Variants in USP53 observed in about 807,000 individuals in gnomAD.
USP53 encodes ubiquitin carboxyl-terminal hydrolase 53.
In USP53, 71 loss-of-function variants were observed where a neutral mutation model predicts 94.9. That is an observed-to-expected ratio of 0.75 (90% CI 0.62 to 0.91). USP53 has a LOEUF of 0.91. Among genes scored for constraint, USP53 ranks in the 40% least tolerant of loss-of-function variants. The pLI is 0.00. For missense variants in USP53, 1,173 were observed against 1,281.0 expected, an observed-to-expected ratio of 0.92 and a Z score of 1.29; for synonymous variants, 375 against 422.7, an observed-to-expected ratio of 0.89 and a Z score of 1.39.
At chr4:119,286,368 T>C (rs1754116660) in intron 17 of USP53, among the ~76,000 whole-genome samples, 1 of 151,432 alleles carries the variant, frequency 6.6e-6, no homozygotes, top group Non-Finnish European at 1.5e-5. Context: ...GATACTGAGT[T>C]TTTTTTTTCT....
At chr4:119,261,661 C>G in intron 11 of USP53, 54 bp from the exon 12 acceptor site, 1 of 1,389,446 alleles carries the variant, frequency 7.2e-7, no homozygotes, top group East Asian at 2.4e-5. Flanking sequence ...CTAATTATTC[C>G]TCATTTTACA....
At chr4:119,223,553 G>C (rs1194754838) in intron 3 of USP53, among the ~76,000 whole-genome samples, 1 of 152,146 alleles carries the variant, frequency 6.6e-6, no homozygotes, top group Non-Finnish European at 1.5e-5. Flanking sequence ...AAAAGGAGAA[G>C]GTGACTTGAT....
intron 3 of USP53, among the ~76,000 whole-genome samples, chr4:119,222,785 T>C (rs1744724107): frequency 6.6e-6 from 1 of 152,196 alleles, no homozygotes; most frequent in African/African-American, 2.4e-5. Context: ...GACATCTCTT[T>C]GATTTTCTTT....
chr4:119,278,006 G>T (rs1302633938), intron 17 of USP53, among the ~76,000 whole-genome samples: 1 of 143,004 alleles, frequency 7.0e-6, no homozygotes, highest in Non-Finnish European at 1.5e-5. Context: ...CTGCACGTGA[G>T]ATGGGTTTCC....
chr4:119,213,660 A>ATATATG, intron 1 of USP53, among the ~76,000 whole-genome samples: 6,212 of 117,722 alleles, frequency 0.053, 245 homozygotes, highest in Middle Eastern at 0.092. Flanking sequence ...ATATATATAT[A>ATATATG]TGTGTGTGTG....
At chr4:119,227,970 G>A (rs1253844553) in intron 3 of USP53, among the ~76,000 whole-genome samples, 1 of 152,206 alleles carries the variant, frequency 6.6e-6, no homozygotes, top group African/African-American at 2.4e-5. Context: ...AGAAATTCTA[G>A]AGAAGTTGAA....
At chr4:119,233,608 CT>C (rs1351607252) in intron 3 of USP53, among the ~76,000 whole-genome samples, 2 of 152,026 alleles carry the variant, frequency 1.3e-5, no homozygotes, top group African/African-American at 4.8e-5. Flanking sequence ...TATTCTTGCC[CT>C]ATATTCAATT....
rs1007709464 is a variant in USP53 at position 119,271,522 on chromosome 4, T to G, written c.1662T>G (p.Asn554Lys). ...EKITGKVKSD[N>K]GTGYDTDSSQ... ...TAACTGGCAAAGTTAAGAGTGACAATGGCACTGGATATGACACAGACAGCA... is the reference window on the plus strand; with the variant it reads ...TAACTGGCAAAGTTAAGAGTGACAAGGGCACTGGATATGACACAGACAGCA... Residue 554 changes from asparagine (N) to lysine (K), a missense_variant, in exon 16 of 19, where the codon AAT (asparagine) becomes AAG (lysine). Asn to Lys is a moderately conservative substitution (Grantham distance 94). Coordinates refer to ENST00000692078, the MANE Select transcript of USP53 (RefSeq NM_001371395.1). 8.7e-6 allele frequency: 14 copies of G among 1,613,480 alleles called. No individual in the cohort carries two copies. The highest frequency in any genetic ancestry group is 1.2e-5 in the Non-Finnish European group (14 of 1,179,946).
chr4:119,292,967 G>T lies in USP53; in HGVS notation c.2978G>T (p.Gly993Val). 1 of 1,614,100 alleles carries T rather than the reference G, an allele frequency of 6.2e-7. No homozygotes were observed. Among genetic ancestry groups the T allele is most frequent in the African/African-American group, 1.3e-5 (1 of 75,038 alleles). The change falls in exon 19 of 19, where the codon GGC becomes GTC. Residue 993 changes from glycine (G) to valine (V), a missense_variant. Coordinates refer to ENST00000692078, the MANE Select transcript of USP53 (RefSeq NM_001371395.1). The part of the protein sequence containing the change: ...KETFQVRECF[G>V]NTPNCPSSSS... The stretch of plus-strand genomic sequence containing the variant: ...ACATTTCAAGTGAGAGAATGTTTTG[G>T]CAACACACCAAACTGTCCATCCAGC...
chr4:119,274,121 A>C (rs1331562031), intron 17 of USP53, among the ~76,000 whole-genome samples: 2 of 135,428 alleles, frequency 1.5e-5, no homozygotes, highest in East Asian at 4.3e-4. Context: ...ATTATACTTT[A>C]AGTTTTAGGG....
intron 17 of USP53, among the ~76,000 whole-genome samples, chr4:119,279,311 C>T (rs1286138253): frequency 2.8e-5 from 4 of 143,924 alleles, no homozygotes; most frequent in Admixed American, 2.1e-4. Context: ...GTTAGTTTTC[C>T]TTCTAACAGA....
intron 13 of USP53, 30 bp downstream of exon 13, chr4:119,267,512 T>G (rs1368339123): frequency 6.3e-7 from 1 of 1,593,344 alleles, no homozygotes; most frequent in Non-Finnish European, 8.6e-7. Context: ...ATTCTCAATG[T>G]TTTTCTATTA....
chr4:119,284,609 C>T (rs1753874443), intron 17 of USP53, among the ~76,000 whole-genome samples: 1 of 151,746 alleles, frequency 6.6e-6, no homozygotes, highest in Non-Finnish European at 1.5e-5. Context: ...ATGTTTTATA[C>T]TTTTTAAATC....
At position 119,259,905 on chromosome 4, in the gene USP53, G is replaced by A. The variant is rs751169180; in HGVS notation, c.655G>A (p.Asp219Asn). ...ATTGCTACAAGCAGCAAATACAACA[G>A]ATGACTATAGGAAATGTCCTGTAAG... is the stretch of plus-strand genomic sequence containing the variant. The part of the protein sequence containing the change: ...AELLQAANTT[D>N]DYRKCPSNCG... Residue 219 changes from aspartate to asparagine, a missense_variant, in exon 10 of 19, where the codon GAT (aspartate) becomes AAT (asparagine). Coordinates refer to ENST00000692078, the MANE Select transcript of USP53 (RefSeq NM_001371395.1). 3.1e-6 allele frequency: 5 copies of A among 1,610,802 alleles called. No homozygotes were observed. The highest frequency in any genetic ancestry group is 3.4e-6 in the Non-Finnish European group (4 of 1,178,336).
upstream of USP53, chr4:119,212,643 T>C (rs927582505): frequency 3.3e-5 from 12 of 366,814 alleles, 1 homozygote; most frequent in South Asian, 2.4e-4. Flanking sequence ...TCCCTGGGTA[T>C]TGGGGCGTAT....
At chr4:119,274,065 G>A (rs1407524338) in intron 17 of USP53, among the ~76,000 whole-genome samples, 1 of 143,950 alleles carries the variant, frequency 6.9e-6, no homozygotes. Context: ...TGGTCCTCTT[G>A]TTTTATTTTT....
intron 3 of USP53, chr4:119,218,656 AG>A (rs760164951): frequency 1.3e-5 from 2 of 152,172 alleles, no homozygotes; most frequent in African/African-American, 2.4e-5. Flanking sequence ...TACACATCAA[AG>A]AATATTTATT....
At position 119,246,747 on chromosome 4, in the gene USP53, A is replaced by G. The variant is rs186793171; in HGVS notation, c.237+1318A>G. ...TTTAACCAGATATAATATTTGAACT[A>G]GATCCCTGTGGCTGCTCTGCTGAGG... On this transcript the variant is annotated intron_variant, in intron 6 of 18. Coordinates refer to ENST00000692078, the MANE Select transcript of USP53 (RefSeq NM_001371395.1). Among the ~76,000 whole-genome samples the G allele has an allele frequency of 8.2e-4, 125 of 152,328 alleles. 2 individuals carry two copies. Among genetic ancestry groups the G allele is most frequent in the Middle Eastern group, 3.4e-3 (1 of 294 alleles).
At position 119,260,591 on chromosome 4, in the gene USP53, G is replaced by A. The variant is rs1335147475; in HGVS notation, c.760G>A (p.Glu254Lys). 6 of 1,613,926 alleles carry A rather than the reference G, an allele frequency of 3.7e-6. No individual in the cohort carries two copies. Among genetic ancestry groups the A allele is most frequent in the Non-Finnish European group, 5.1e-6 (6 of 1,179,856 alleles). ...IVTIGLVWDS[E>K]HSDLTEAVVR... ...TACAATTGGTTTAGTCTGGGACTCC[G>A]AGCATTCTGACTTGACCGAAGCTGT... The change falls in exon 11 of 19, where the codon GAG (glutamate) becomes AAG (lysine). Residue 254 changes from glutamate to lysine, a missense_variant. Transcript: ENST00000692078.
Sources: gnomAD v4.1 joint callset for allele counts (sites outside exome capture counted in the v4.1 genomes callset) on GRCh38, gnomAD v4.1.1 for gene constraint, MANE v1.5 for transcripts, NCBI Gene and HGNC (gene_info 2026-07-23, HGNC 2026-07-21) for gene names.